The following ZKSCAN1 variants were observed in gnomAD, a reference collection of about 807,000 sequenced individuals.
The protein encoded by ZKSCAN1 is zinc finger protein with KRAB and SCAN domains 1.
In ZKSCAN1, 14 loss-of-function variants were observed where a neutral mutation model predicts 51.6. That is an observed-to-expected ratio of 0.27 (90% CI 0.18 to 0.42). The LOEUF (loss-of-function observed/expected upper bound fraction) is 0.42, where lower values mean the gene tolerates loss of function less well. ZKSCAN1 is among the 10% of genes least tolerant of loss of function. The probability of loss-of-function intolerance (pLI) is 1.00; values close to 1 mark genes in which losing one functional copy is unlikely to be tolerated. For missense variants in ZKSCAN1, 531 were observed against 710.0 expected, an observed-to-expected ratio of 0.75 and a Z score of 2.86; for synonymous variants, 263 against 261.5, an observed-to-expected ratio of 1.01 and a Z score of -0.06.
rs1243917252 is a variant in ZKSCAN1 at position 100,024,506 on chromosome 7, A to G, written c.580+199A>G. On this transcript the variant is annotated intron_variant, in intron 3 of 5. Transcript: ENST00000324306. ...CTACGCAGGAGGCTGAGGTGGGAGG[A>G]TTGCTTGAGCCCAGGAGGTTGAGGC... 4.6e-6 allele frequency: 3 copies of G among 654,880 alleles called. No homozygotes were observed. The East Asian group carries it at 9.3e-5, about 20-fold the overall frequency. The allele number at this position is 654,880 out of a possible 1,614,324, so 40.6% of individuals were successfully genotyped here.
Position 100,038,859 on chromosome 7 carries a change from G to T in ZKSCAN1, c.*4662G>T. ...AAATACAAAAAAATAGCTGGGCGTGGTGGCGGGCGCCTGTAGTCCCAGCTA... is the reference window on the plus strand; with the variant it reads ...AAATACAAAAAAATAGCTGGGCGTGTTGGCGGGCGCCTGTAGTCCCAGCTA... On this transcript the variant is annotated 3_prime_UTR_variant, in exon 6 of 6. Transcript: ENST00000324306. 1 of 449,966 alleles carries T rather than the reference G, an allele frequency of 2.2e-6. No individual in the cohort carries two copies. Among genetic ancestry groups the T allele is most frequent in the Non-Finnish European group, 2.9e-6 (1 of 340,864 alleles). The allele number at this position is 449,966 out of a possible 1,614,324, so 27.9% of individuals were successfully genotyped here. A position where few individuals can be genotyped will look rare whatever the true frequency, so the allele number is the denominator to read the frequency against.
At position 100,033,243 on chromosome 7, in the gene ZKSCAN1, T is replaced by C. The variant is rs1014170820; in HGVS notation, c.800-62T>C. On this transcript the variant is annotated intron_variant, in intron 5 of 5. Coordinates refer to ENST00000324306, the MANE Select transcript of ZKSCAN1 (RefSeq NM_003439.4). The surrounding 1 kb of genome is among the most constrained non-coding windows in gnomAD (Gnocchi z 4.1). ...TAGAAGCTTCTCGGGAAACTGTCGC[T>C]TGACCCACCTGTATATTCAAAAGAA... 9 of 1,502,496 alleles carry C rather than the reference T, an allele frequency of 6.0e-6. No homozygotes were observed. The highest frequency in any genetic ancestry group is 7.1e-6 in the Non-Finnish European group (8 of 1,132,806). 93.1% of individuals were successfully genotyped at this position (1,502,496 alleles called of 1,614,324 possible). A position where few individuals can be genotyped will look rare whatever the true frequency, so the allele number is the denominator to read the frequency against.
rs1430173815 is a variant in ZKSCAN1, at chr7:100,030,386, T to TG, written c.799+12dup. The TG allele has an allele frequency of 1.2e-6, 2 of 1,611,476 alleles. No individual in the cohort carries two copies. Among genetic ancestry groups the TG allele is most frequent in the South Asian group, 2.2e-5 (2 of 90,672 alleles). ...GCGCATTTCCCCAGGGTAAGACGGA[T>TG]GCAGGCTTACTGTCTGATAAGATGG... On this transcript the variant is annotated intron_variant, in intron 5 of 5. Transcript: ENST00000324306.
chr7:100,044,950 A>G (rs1367583850), downstream of ZKSCAN1: 2 of 985,256 alleles, frequency 2.0e-6, no homozygotes, highest in Non-Finnish European at 2.4e-6. Flanking sequence ...AAAATAGGTG[A>G]TGATGAGAAC....
At chr7:100,017,692 G>A (rs1486372232) in intron 1 of ZKSCAN1, among the ~76,000 whole-genome samples, 1 of 152,136 alleles carries the variant, frequency 6.6e-6, no homozygotes. Context: ...AAAGTGGATG[G>A]TATGTCAGTA....
chr7:100,044,885 T>G (rs555703539), downstream of ZKSCAN1: 2 of 985,358 alleles, frequency 2.0e-6, no homozygotes, highest in Non-Finnish European at 2.4e-6. Flanking sequence ...TTGCCCAGCC[T>G]GCTCTAAGGG....
chr7:100,030,127 C>G, intron 4 of ZKSCAN1, 122 bp from the exon 5 acceptor site: 1 of 1,487,622 alleles, frequency 6.7e-7, no homozygotes, highest in Non-Finnish European at 9.1e-7. Flanking sequence ...CAGGTTCTGG[C>G]CACCCTTTTC....
rs543453116 is a variant in ZKSCAN1 at position 100,018,246 on chromosome 7, A to G, written c.-89+2520A>G. On this transcript the variant is annotated intron_variant, in intron 1 of 5. Coordinates refer to ENST00000324306, the MANE Select transcript of ZKSCAN1 (RefSeq NM_003439.4). ...TTGAATGTAGAATGATCGGGCTTTT[A>G]AAAAATAGTAACGTTGTCAATTCAG... is the stretch of plus-strand genomic sequence containing the variant. Among the ~76,000 whole-genome samples the G allele has an allele frequency of 2.6e-5, 4 of 152,308 alleles. No individual in the cohort carries two copies. The East Asian group carries it at 7.7e-4, about 29-fold the overall frequency.
Position 100,033,969 on chromosome 7 carries a change from C to G in ZKSCAN1, c.1464C>G (p.Pro488=). Residue 488 remains proline, a synonymous_variant, in exon 6 of 6, where the codon CCC becomes CCG. Coordinates refer to ENST00000324306, the MANE Select transcript of ZKSCAN1 (RefSeq NM_003439.4). This position sits in a 1 kb window ranked among gnomAD's most constrained non-coding sequence, Gnocchi z 4.1. ...AGAGAATTCACACGGGGGAGAAACC[C>G]TATGAATGTAGTGAATGTGGAAAAG... ...KHQRIHTGEK[P]YECSECGKAF... 1 of 1,614,166 alleles carries G rather than the reference C, an allele frequency of 6.2e-7. No homozygotes were observed. Among genetic ancestry groups the G allele is most frequent in the Non-Finnish European group, 8.5e-7 (1 of 1,180,020 alleles).
intron 1 of ZKSCAN1, among the ~76,000 whole-genome samples, chr7:100,022,499 CTCTT>C (rs1790633734): frequency 6.6e-6 from 1 of 152,230 alleles, no homozygotes; most frequent in African/African-American, 2.4e-5. Flanking sequence ...TAATTTCTCT[CTCTT>C]TTAAGATACA....
intron 5 of ZKSCAN1, among the ~76,000 whole-genome samples, chr7:100,031,056 G>A (rs538984838): frequency 6.6e-6 from 1 of 152,262 alleles, no homozygotes; most frequent in East Asian, 1.9e-4. Flanking sequence ...ATTTGTCTCT[G>A]CTGGATCTTA....
chr7:100,041,689 A>G lies in ZKSCAN1; in HGVS notation c.*7492A>G, dbSNP rs929062130. On this transcript the variant is annotated 3_prime_UTR_variant, in exon 6 of 6. Coordinates refer to ENST00000324306, the MANE Select transcript of ZKSCAN1 (RefSeq NM_003439.4). ...CAATAAATTATCATCTCTAGGTGGC[A>G]GTGCTTGTGCTGGTTTGTTTTTTGT... is the stretch of plus-strand genomic sequence containing the variant. The G allele has an allele frequency of 5.4e-5, 53 of 985,312 alleles. No individual in the cohort carries two copies. Among genetic ancestry groups the G allele is most frequent in the Non-Finnish European group, 6.0e-5 (50 of 829,930 alleles). 61.0% of individuals were successfully genotyped at this position (985,312 alleles called of 1,614,324 possible).
At chr7:100,044,834 G>A, downstream of ZKSCAN1, 2 of 985,210 alleles carry the variant, frequency 2.0e-6, no homozygotes, top group Non-Finnish European at 2.4e-6. Context: ...CTGCTTCCTG[G>A]AAGAAAAAGG....
In ZKSCAN1 at chr7:100,031,169, G is replaced by A. The variant is rs536228827; in HGVS notation, c.799+794G>A. ...AGAGGGCAAAGGGAGTGTGAATAAA[G>A]CGTGAACATGAAGGATGTTACTAAT... On this transcript the variant is annotated intron_variant, in intron 5 of 5. Transcript: ENST00000324306. Among the ~76,000 whole-genome samples, 3 of 152,098 alleles carry A rather than the reference G, an allele frequency of 2.0e-5. No individual in the cohort carries two copies. In the East Asian group the frequency reaches 5.8e-4, roughly 29 times the overall value.
rs993721905 is a variant in ZKSCAN1, at chr7:100,040,784, A to G, written c.*6587A>G. 7.1e-6 allele frequency: 7 copies of G among 985,340 alleles called. No individual in the cohort carries two copies. Among genetic ancestry groups the G allele is most frequent in the South Asian group, 4.7e-5 (1 of 21,292 alleles). 61.0% of individuals were successfully genotyped at this position (985,340 alleles called of 1,614,324 possible). A position where few individuals can be genotyped will look rare whatever the true frequency, so the allele number is the denominator to read the frequency against. ...ACCCGAGCGCCTTCCCCTCACCTCA[A>G]CCAGAGAAGAGCATCCGGTTGCTTT... On this transcript the variant is annotated 3_prime_UTR_variant, in exon 6 of 6. Coordinates refer to ENST00000324306, the MANE Select transcript of ZKSCAN1 (RefSeq NM_003439.4).
rs1791587944 is a variant in ZKSCAN1 at position 100,041,431 on chromosome 7, A to G, written c.*7234A>G. On this transcript the variant is annotated 3_prime_UTR_variant, in exon 6 of 6. Transcript: ENST00000324306. ...GAGGAAAAGTGGTTTTTTAAAAGCT[A>G]GGGAACTCCTCCACTAAAAGTAACC... is the stretch of plus-strand genomic sequence containing the variant. 2 of 985,330 alleles carry G rather than the reference A, an allele frequency of 2.0e-6. No individual in the cohort carries two copies. The highest frequency in any genetic ancestry group is 1.7e-5 in the African/African-American group (1 of 57,246). 61.0% of individuals were successfully genotyped at this position (985,330 alleles called of 1,614,324 possible). A position where few individuals can be genotyped will look rare whatever the true frequency, so the allele number is the denominator to read the frequency against.
chr7:100,026,669 G>A (rs1358082606), intron 3 of ZKSCAN1, among the ~76,000 whole-genome samples: 1 of 151,766 alleles, frequency 6.6e-6, no homozygotes, highest in African/African-American at 2.4e-5. Context: ...AGGTTGTGGT[G>A]AGCCAAGATT....
chr7:100,025,294 C>G (rs1246750944), intron 3 of ZKSCAN1, among the ~76,000 whole-genome samples: 1 of 145,516 alleles, frequency 6.9e-6, no homozygotes, highest in Admixed American at 6.9e-5. Context: ...TGCACTGCAG[C>G]CTGGGTGACA....
rs1346705854 is a variant in ZKSCAN1, at chr7:100,039,005, A to AG, written c.*4808_*4809insG. On this transcript the variant is annotated 3_prime_UTR_variant, in exon 6 of 6. Coordinates refer to ENST00000324306, the MANE Select transcript of ZKSCAN1 (RefSeq NM_003439.4). ...GTGAGACTCCATGTCAAAAAAAAAA[A>AG]AAAGGTTGGGGGGAGGATAGGACTG... 3 of 153,538 alleles carry AG rather than the reference A, an allele frequency of 2.0e-5. No homozygotes were observed. The highest frequency in any genetic ancestry group is 7.4e-5 in the African/African-American group (3 of 40,338). 9.5% of individuals were successfully genotyped at this position (153,538 alleles called of 1,614,324 possible). A position where few individuals can be genotyped will look rare whatever the true frequency, so the allele number is the denominator to read the frequency against.
Sources: gnomAD v4.1 joint callset for allele counts (sites outside exome capture counted in the v4.1 genomes callset) on GRCh38, gnomAD v4.1.1 for gene constraint, Gnocchi (gnomAD v3.1) non-coding constraint, MANE v1.5 for transcripts, NCBI Gene and HGNC (gene_info 2026-07-23, HGNC 2026-07-21) for gene names.